DNAH12: variants seen among roughly 807,000 people sequenced by gnomAD.
DNAH12 encodes the protein dynein axonemal heavy chain 12, also known as axonemal beta dynein heavy chain 12.
DNAH12 carries 285 observed loss-of-function variants against 371.5 expected under a neutral mutation model. The observed-to-expected ratio is 0.77, with a 90% confidence interval of 0.70 to 0.85. The LOEUF (loss-of-function observed/expected upper bound fraction) is 0.85. Ranked by LOEUF, DNAH12 falls within the 40% of genes least tolerant of loss-of-function variation. DNAH12 has a pLI of 0.00. For missense variants in DNAH12, 3,611 were observed against 3,689.4 expected (o/e 0.98, Z 0.55); for synonymous variants, 1,200 against 1,213.0 (o/e 0.99, Z 0.22).
At chr3:57,530,972 C>A in intron 2 of DNAH12, 1 of 154,876 alleles carries the variant, frequency 6.5e-6, no homozygotes, top group South Asian at 1.9e-4. Context: ...GCCCATTGCT[C>A]GACATCTGTA....
At chr3:57,439,470 T>C (rs1053400778) in intron 29 of DNAH12, among the ~76,000 whole-genome samples, 10 of 152,178 alleles carry the variant, frequency 6.6e-5, no homozygotes, top group African/African-American at 2.4e-4. Context: ...CAATCCATAG[T>C]GCTAGGATGG....
At chr3:57,321,795 T>C (rs930838373) in intron 65 of DNAH12, among the ~76,000 whole-genome samples, 3 of 152,182 alleles carry the variant, frequency 2.0e-5, no homozygotes, top group East Asian at 1.9e-4. Context: ...TGTTTCTCAA[T>C]TGGTAAGAAT....
chr3:57,532,568 TG>T (rs1316811987), intron 2 of DNAH12, among the ~76,000 whole-genome samples: 4 of 152,240 alleles, frequency 2.6e-5, no homozygotes, highest in Non-Finnish European at 5.9e-5. Context: ...AGTAACATCA[TG>T]GTTCTTGCAG....
chr3:57,542,165 G>T (rs553193710), intron 2 of DNAH12, among the ~76,000 whole-genome samples: 3 of 88,678 alleles, frequency 3.4e-5, no homozygotes, highest in East Asian at 4.3e-4. Context: ...TGGGGGGGGG[G>T]GGGGCGGTGA....
At position 57,334,537 on chromosome 3, in the gene DNAH12, A is replaced by G; in HGVS notation, c.9906T>C (p.Phe3302=). The G allele has an allele frequency of 6.4e-7, 1 of 1,551,136 alleles. No individual in the cohort carries two copies. ...TTAGGTTCTTATCCATTGGTGCTGGAAATTTAGCATTATGTGGCTCTTTAC... is the reference window on the plus strand; with the variant it reads ...TTAGGTTCTTATCCATTGGTGCTGGGAATTTAGCATTATGTGGCTCTTTAC... ...YDSKEPHNAK[F]PAPMDKNLNE... The change falls in exon 62 of 74, where the codon TTT becomes TTC. Residue 3302 remains phenylalanine, a synonymous_variant. Coordinates refer to ENST00000495027, the MANE Select transcript of DNAH12 (RefSeq NM_001366028.2).
intron 4 of DNAH12, among the ~76,000 whole-genome samples, chr3:57,518,369 A>C (rs1401118296): frequency 6.6e-6 from 1 of 151,986 alleles, no homozygotes; most frequent in African/African-American, 2.4e-5. Flanking sequence ...TACTAAAAAT[A>C]TAAAAAATTA....
intron 11 of DNAH12, among the ~76,000 whole-genome samples, chr3:57,490,803 A>G (rs1257437528): frequency 1.3e-5 from 2 of 152,006 alleles, no homozygotes; most frequent in African/African-American, 2.4e-5. Context: ...AAATACACCA[A>G]ATAGGCCAGG....
At chr3:57,482,795 CA>C in intron 13 of DNAH12, among the ~76,000 whole-genome samples, 1 of 151,782 alleles carries the variant, frequency 6.6e-6, no homozygotes, top group South Asian at 2.1e-4. Context: ...AGCTGGAAAC[CA>C]TCATTCTCAG....
chr3:57,379,075 C>G (rs1241217850), intron 52 of DNAH12, 83 bp downstream of exon 52: 1 of 152,196 alleles, frequency 6.6e-6, no homozygotes, highest in African/African-American at 2.4e-5. Flanking sequence ...CTTTGAGAAA[C>G]TTCTTAACCA....
intron 32 of DNAH12, among the ~76,000 whole-genome samples, chr3:57,431,028 AAC>A (rs771621263): frequency 6.6e-6 from 1 of 152,230 alleles, no homozygotes; most frequent in Non-Finnish European, 1.5e-5. Flanking sequence ...CTTCTCAGAG[AAC>A]ACAGATAGTT....
chr3:57,308,906 G>A (rs1296324917), intron 69 of DNAH12, among the ~76,000 whole-genome samples: 1 of 151,788 alleles, frequency 6.6e-6, no homozygotes, highest in African/African-American at 2.4e-5. Context: ...TAAGACAAAT[G>A]TTTCTTCTAA....
At chr3:57,349,452 G>A (rs1553659412) in intron 60 of DNAH12, among the ~76,000 whole-genome samples, 2 of 152,116 alleles carry the variant, frequency 1.3e-5, no homozygotes, top group Non-Finnish European at 2.9e-5. Flanking sequence ...GTTTGATCCA[G>A]CAATCCCCCT....
rs920455033 is a variant in DNAH12, at chr3:57,320,038, T to C, written c.10524+2305A>G. On this transcript the variant is annotated intron_variant, in intron 65 of 73. Coordinates refer to ENST00000495027, the MANE Select transcript of DNAH12 (RefSeq NM_001366028.2). ...TCATTTTAGCATCCCAGGGGATAAA[T>C]CCCACTTGGCCATGGTGTATATATA... Among the ~76,000 whole-genome samples, 13 of 152,276 alleles carry C rather than the reference T, an allele frequency of 8.5e-5. No homozygotes were observed. The East Asian group carries it at 2.5e-3, about 29-fold the overall frequency.
chr3:57,503,298 T>C (rs1393997635), intron 9 of DNAH12, among the ~76,000 whole-genome samples: 1 of 152,096 alleles, frequency 6.6e-6, no homozygotes, highest in East Asian at 1.9e-4. Context: ...AAACCTTAAG[T>C]TGGGTTAGTT....
intron 2 of DNAH12, among the ~76,000 whole-genome samples, chr3:57,532,493 G>A (rs1258254409): frequency 6.6e-6 from 1 of 152,032 alleles, no homozygotes; most frequent in African/African-American, 2.4e-5. Flanking sequence ...AGGCTTTCCA[G>A]GTATTTGAAG....
chr3:57,540,946 A>G (rs2069252136), intron 2 of DNAH12, among the ~76,000 whole-genome samples: 2 of 151,896 alleles, frequency 1.3e-5, no homozygotes, highest in Admixed American at 1.3e-4. Context: ...AAAAAAAAAA[A>G]GGAACAATGT....
chr3:57,420,636 G>A (rs1461642719), intron 36 of DNAH12, among the ~76,000 whole-genome samples: 6 of 137,198 alleles, frequency 4.4e-5, no homozygotes, highest in South Asian at 5.1e-4. Context: ...TGGGCCGGGC[G>A]CAGTGGCTCA....
intron 63 of DNAH12, 77 bp from the exon 64 acceptor site, chr3:57,323,337 T>C (rs190660873): frequency 3.5e-5 from 52 of 1,484,072 alleles, no homozygotes; most frequent in African/African-American, 3.4e-4. Flanking sequence ...AGGTGTTTTA[T>C]CATGAAAAAT....
chr3:57,453,632 G>A (rs1399149159), intron 23 of DNAH12, among the ~76,000 whole-genome samples: 3 of 151,746 alleles, frequency 2.0e-5, no homozygotes, highest in Non-Finnish European at 4.4e-5. Context: ...AGGCTGCGGT[G>A]GTGGGATCTC....
Sources: gnomAD v4.1 joint callset for allele counts (sites outside exome capture counted in the v4.1 genomes callset) on GRCh38, gnomAD v4.1.1 for gene constraint, MANE v1.5 for transcripts, NCBI Gene and HGNC (gene_info 2026-07-23, HGNC 2026-07-21) for gene names.